ME1: variants seen among roughly 807,000 people sequenced by gnomAD.
ME1 encodes malic enzyme 1.
In ME1, 74 loss-of-function variants were observed where a neutral mutation model predicts 66.4. The observed-to-expected ratio is 1.11, with a 90% CI of 0.92 to 1.35. The LOEUF is 1.35. Among genes scored for constraint, ME1 ranks in the 40% most tolerant of loss-of-function variants. ME1 has a pLI of 0.00. For synonymous variants in ME1, 251 were observed against 235.6 expected (o/e 1.07, Z -0.60); for missense variants, 750 against 694.1 (o/e 1.08, Z -0.90).
chr6:83,414,111 GAAAAAAA>G (rs758493692), intron 1 of ME1, among the ~76,000 whole-genome samples: 1 of 66,508 alleles, frequency 1.5e-5, no homozygotes, highest in East Asian at 4.3e-4. Context: ...ACCCCATCTT[GAAAAAAA>G]AAAAAAAAAA....
At chr6:83,313,637 C>G (rs1173586645) in intron 6 of ME1, among the ~76,000 whole-genome samples, 3 of 152,110 alleles carry the variant, frequency 2.0e-5, no homozygotes, top group Admixed American at 1.3e-4. Context: ...ACGGTATTAT[C>G]TATACAATCT....
At chr6:83,344,502 G>A (rs1321736148) in intron 5 of ME1, among the ~76,000 whole-genome samples, 2 of 152,038 alleles carry the variant, frequency 1.3e-5, no homozygotes, top group African/African-American at 4.8e-5. Context: ...AGAATCACAT[G>A]AGTATGGGAG....
At chr6:83,251,365 C>T (rs955176024) in intron 7 of ME1, among the ~76,000 whole-genome samples, 8 of 151,850 alleles carry the variant, frequency 5.3e-5, no homozygotes, top group South Asian at 4.2e-4. Flanking sequence ...CGCAGTGGCA[C>T]GCACCTGTAA....
chr6:83,368,602 A>C (rs1769141847), intron 3 of ME1, among the ~76,000 whole-genome samples: 1 of 152,180 alleles, frequency 6.6e-6, no homozygotes, highest in Non-Finnish European at 1.5e-5. Context: ...AAATGTTATC[A>C]TATAATAAAT....
chr6:83,222,654 C>T (rs960249341), intron 12 of ME1, among the ~76,000 whole-genome samples: 2 of 152,096 alleles, frequency 1.3e-5, no homozygotes, highest in African/African-American at 2.4e-5. Context: ...GCCCAATCAC[C>T]GTATCATCCT....
At chr6:83,255,428 G>T (rs1562461132) in intron 6 of ME1, among the ~76,000 whole-genome samples, 1 of 151,668 alleles carries the variant, frequency 6.6e-6, no homozygotes, top group Non-Finnish European at 1.5e-5. Flanking sequence ...TATGTGGTTA[G>T]ATCTTTCAAT....
At chr6:83,261,420 ATTTTTTTT>A (rs57450786) in intron 6 of ME1, among the ~76,000 whole-genome samples, 1 of 110,896 alleles carries the variant, frequency 9.0e-6, no homozygotes, top group Admixed American at 9.7e-5. Flanking sequence ...TCTGTTGGTA[ATTTTTTTT>A]TTTTTTTTTT....
intron 2 of ME1, among the ~76,000 whole-genome samples, chr6:83,406,549 C>G (rs1769948687): frequency 6.6e-6 from 1 of 152,134 alleles, no homozygotes; most frequent in South Asian, 2.1e-4. Context: ...AATCATCACC[C>G]AAAGTCCTCA....
In ME1 at chr6:83,260,893, T is replaced by G. The variant is rs774883743; in HGVS notation, c.705-7155A>C. ...TAGGTTGATTCCATGTCTTTGCTAT[T>G]GTGAGTAGTGCTCCAATAAACAAAA... is the stretch of plus-strand genomic sequence containing the variant. On this transcript the variant is annotated intron_variant, in intron 6 of 13. Transcript: ENST00000369705. Among the ~76,000 whole-genome samples the G allele has an allele frequency of 2.0e-5, 3 of 148,986 alleles. No individual in the cohort carries two copies. The East Asian group carries it at 5.9e-4, about 29-fold the overall frequency.
In ME1 at chr6:83,223,872, G is replaced by T. The variant is rs1424455554; in HGVS notation, c.1337C>A (p.Thr446Asn). The T allele has an allele frequency of 1.2e-6, 2 of 1,613,994 alleles. No homozygotes were observed. Among genetic ancestry groups the T allele is most frequent in the East Asian group, 2.2e-5 (1 of 44,844 alleles). Reference sequence around the variant, plus strand: ...ATTGTTGCCTTGGCCAGGATATAGGGTCTGTCCATTTGGAAGAGTGACTGG... The same window carrying T: ...ATTGTTGCCTTGGCCAGGATATAGGTTCTGTCCATTTGGAAGAGTGACTGG... ...FDPVTLPNGQ[T>N]LYPGQGNNSY... The change falls in exon 12 of 14, where the codon ACC becomes AAC. Residue 446 changes from threonine (T) to asparagine (N), a missense_variant. Thr to Asn is a moderately conservative substitution (Grantham distance 65). Coordinates refer to ENST00000369705, the MANE Select transcript of ME1 (RefSeq NM_002395.6).
At chr6:83,283,891 C>T (rs1767352142) in intron 6 of ME1, among the ~76,000 whole-genome samples, 1 of 151,996 alleles carries the variant, frequency 6.6e-6, no homozygotes, top group African/African-American at 2.4e-5. Context: ...AAAATCAGAG[C>T]AAAAGTGAAT....
At chr6:83,323,510 C>CAA (rs70987748) in intron 5 of ME1, among the ~76,000 whole-genome samples, 27 of 147,768 alleles carry the variant, frequency 1.8e-4, no homozygotes, top group African/African-American at 4.4e-4. Flanking sequence ...AAACAAAAAA[C>CAA]AAAAAAAAAA....
At chr6:83,249,447 G>A (rs959795860) in intron 7 of ME1, among the ~76,000 whole-genome samples, 4 of 152,070 alleles carry the variant, frequency 2.6e-5, no homozygotes, top group Admixed American at 6.6e-5. Flanking sequence ...GGCTGGTCTC[G>A]AACTCCTGAC....
chr6:83,380,897 T>A (rs1227779790), intron 3 of ME1, among the ~76,000 whole-genome samples: 4 of 152,022 alleles, frequency 2.6e-5, no homozygotes, highest in Non-Finnish European at 1.5e-5. Flanking sequence ...AACATTTTAG[T>A]GGGTGGAATG....
rs1057128996 is a variant in ME1 at position 83,229,618 on chromosome 6, T to C, written c.1027-687A>G. ...CTGAGAAGCAGGACAAGTATAAGTA[T>C]AGTCATTTTACATATGCGGAAACAT... is the stretch of plus-strand genomic sequence containing the variant. On this transcript the variant is annotated intron_variant, in intron 9 of 13. Coordinates refer to ENST00000369705, the MANE Select transcript of ME1 (RefSeq NM_002395.6). 2.6e-5 allele frequency among the ~76,000 whole-genome samples: 4 copies of C among 152,186 alleles called. No homozygotes were observed. In the South Asian group the frequency reaches 8.3e-4, roughly 31 times the overall value.
chr6:83,315,565 T>C (rs1768015912), intron 5 of ME1, 152 bp from the exon 6 acceptor site: 6 of 588,572 alleles, frequency 1.0e-5, no homozygotes, highest in South Asian at 2.3e-5. Context: ...TACTTAATGT[T>C]ACATAGAATA....
chr6:83,386,168 T>C (rs1233229692), intron 3 of ME1, among the ~76,000 whole-genome samples: 3 of 151,914 alleles, frequency 2.0e-5, no homozygotes. Context: ...CTTATTACCA[T>C]AGATAAATAG....
chr6:83,268,382 A>G (rs1767025504), intron 6 of ME1, among the ~76,000 whole-genome samples: 2 of 152,160 alleles, frequency 1.3e-5, no homozygotes, highest in Non-Finnish European at 2.9e-5. Context: ...ATTTACATAC[A>G]ATAAAAGTAC....
At chr6:83,393,176 C>A (rs1453200462) in intron 3 of ME1, 17 of 1,240,342 alleles carry the variant, frequency 1.4e-5, no homozygotes, top group Non-Finnish European at 1.8e-5. Flanking sequence ...ATGATGACAC[C>A]AAGAAGGTGG....
Sources: allele counts gnomAD v4.1 joint callset (sites outside exome capture counted in the v4.1 genomes callset), GRCh38; gene constraint gnomAD v4.1.1; transcripts MANE v1.5; gene names NCBI Gene and HGNC (gene_info 2026-07-23, HGNC 2026-07-21).